Variants in IDE observed in about 807,000 individuals in gnomAD.
IDE encodes insulin degrading enzyme.
A neutral mutation model predicts 133.2 loss-of-function variants in IDE; 58 were observed. The observed-to-expected ratio is 0.44, with a 90% CI of 0.35 to 0.54. The LOEUF is 0.54. IDE is among the 20% of genes least tolerant of loss of function. The pLI is 0.00. For missense variants in IDE, 981 were observed against 1,234.0 expected (o/e 0.79, Z 3.07); for synonymous variants, 396 against 421.3 (o/e 0.94, Z 0.73).
chr10:92,480,794 G>T, intron 14 of IDE: 1 of 178,598 alleles, frequency 5.6e-6, no homozygotes, highest in Non-Finnish European at 1.1e-5. Context: ...AGGTCTCACT[G>T]TGTTGTCCAG....
chr10:92,549,792 A>C (rs1842698552), intron 1 of IDE, among the ~76,000 whole-genome samples: 1 of 152,144 alleles, frequency 6.6e-6, no homozygotes, highest in South Asian at 2.1e-4. Flanking sequence ...GGGGAAATTA[A>C]AGCTCAGAAA....
chr10:92,495,582 C>G (rs1847638122), intron 11 of IDE, among the ~76,000 whole-genome samples: 1 of 152,050 alleles, frequency 6.6e-6, no homozygotes, highest in East Asian at 1.9e-4. Flanking sequence ...AACTCCTGAC[C>G]TCAGGTGATC....
At chr10:92,516,125 C>T (rs1211398553) in intron 4 of IDE, among the ~76,000 whole-genome samples, 2 of 147,722 alleles carry the variant, frequency 1.4e-5, no homozygotes, top group Admixed American at 6.8e-5. Context: ...GCCGAAATCA[C>T]GCCGAGTCAA....
intron 1 of IDE, chr10:92,573,118 G>A: frequency 1.5e-5 from 15 of 985,384 alleles, no homozygotes; most frequent in African/African-American, 1.7e-5. Flanking sequence ...TCTTCCATTC[G>A]TAGTAAAAAG....
At chr10:92,525,479 G>A (rs1302581107) in intron 4 of IDE, among the ~76,000 whole-genome samples, 1 of 152,110 alleles carries the variant, frequency 6.6e-6, no homozygotes, top group Admixed American at 6.6e-5. Flanking sequence ...TCTAAGATCT[G>A]AAGAAGACAA....
intron 11 of IDE, 70 bp from the exon 12 acceptor site, chr10:92,490,665 A>G (rs1847291241): frequency 1.1e-6 from 1 of 906,214 alleles, no homozygotes; most frequent in African/African-American, 1.7e-5. Flanking sequence ...AAAGAACCTG[A>G]CTCAGGACAA....
intron 1 of IDE, among the ~76,000 whole-genome samples, chr10:92,538,744 T>A (rs2135708305): frequency 6.8e-6 from 1 of 147,148 alleles, no homozygotes; most frequent in South Asian, 2.2e-4. Flanking sequence ...AGGGTAGATG[T>A]AACTTTTGTC....
chr10:92,458,952 T>TGAA (rs1437946374), intron 22 of IDE, among the ~76,000 whole-genome samples: 1 of 152,140 alleles, frequency 6.6e-6, no homozygotes, highest in East Asian at 1.9e-4. Flanking sequence ...ATGAGACACT[T>TGAA]CTTTTCCTCT....
intron 14 of IDE, among the ~76,000 whole-genome samples, 159 bp downstream of exon 14, chr10:92,483,096 T>C (rs1015154952): frequency 2.0e-5 from 3 of 152,168 alleles, no homozygotes; most frequent in African/African-American, 7.2e-5. Context: ...TCCTTTTCTT[T>C]ACTTTTATTT....
intron 1 of IDE, among the ~76,000 whole-genome samples, chr10:92,573,600 G>C (rs1396702532): frequency 6.6e-6 from 1 of 152,206 alleles, no homozygotes; most frequent in Non-Finnish European, 1.5e-5. Flanking sequence ...CGGCTCCCAG[G>C]TGCAGGCCGG....
At chr10:92,478,510 C>A (rs1846408159) in intron 15 of IDE, 3 of 352,022 alleles carry the variant, frequency 8.5e-6, no homozygotes, top group Non-Finnish European at 1.3e-5. Context: ...AATTTGAGTT[C>A]TTTGATCATC....
intron 5 of IDE, among the ~76,000 whole-genome samples, chr10:92,513,353 C>T (rs779186686): frequency 2.6e-5 from 4 of 152,056 alleles, no homozygotes; most frequent in Admixed American, 2.6e-4. Flanking sequence ...CCACCATGCC[C>T]GGTTAATTTT....
At chr10:92,515,311 G>A (rs1190355379) in intron 4 of IDE, among the ~76,000 whole-genome samples, 2 of 150,024 alleles carry the variant, frequency 1.3e-5, no homozygotes, top group Non-Finnish European at 3.0e-5. Context: ...CCAGGCTGGA[G>A]TGCGGTGGTG....
At chr10:92,542,124 G>A (rs1239845290) in intron 1 of IDE, among the ~76,000 whole-genome samples, 1 of 152,136 alleles carries the variant, frequency 6.6e-6, no homozygotes, top group African/African-American at 2.4e-5. Context: ...TGTTTTGAAG[G>A]AACCTAGACT....
At chr10:92,503,822 G>A (rs936582533) in intron 11 of IDE, among the ~76,000 whole-genome samples, 2 of 151,502 alleles carry the variant, frequency 1.3e-5, no homozygotes, top group Admixed American at 6.6e-5. Flanking sequence ...GGGTTCAAGC[G>A]ATTCTCCTGT....
intron 1 of IDE, among the ~76,000 whole-genome samples, chr10:92,551,425 GGGAGTGGTGGTGCACACCTAT>G (rs1462455932): frequency 1.2e-3 from 186 of 152,076 alleles, no homozygotes; most frequent in Middle Eastern, 3.4e-3. Context: ...AAAATTAGCT[GGGAGTGGTGGTGCACACCTAT>G]AGTCCCAGAT....
At chr10:92,479,198 C>T (rs1846450832) in intron 15 of IDE, 79 bp downstream of exon 15, 3 of 976,370 alleles carry the variant, frequency 3.1e-6, no homozygotes, top group Admixed American at 2.5e-5. Flanking sequence ...TAAACTCACA[C>T]CCTCAATCAA....
At chr10:92,502,360 T>C (rs1382589745) in intron 11 of IDE, among the ~76,000 whole-genome samples, 1 of 152,214 alleles carries the variant, frequency 6.6e-6, no homozygotes, top group Non-Finnish European at 1.5e-5. Flanking sequence ...TATGTAGAAG[T>C]CTTGCTTATC....
intron 1 of IDE, among the ~76,000 whole-genome samples, chr10:92,544,559 TGG>T: frequency 6.6e-6 from 1 of 152,156 alleles, no homozygotes; most frequent in Non-Finnish European, 1.5e-5. Context: ...GGGACAGAGG[TGG>T]TGCTGAAGGA....
Sources: gnomAD v4.1 joint callset for allele counts (sites outside exome capture counted in the v4.1 genomes callset) on GRCh38, gnomAD v4.1.1 for gene constraint, MANE v1.5 for transcripts, NCBI Gene and HGNC (gene_info 2026-07-23, HGNC 2026-07-21) for gene names.